Variants in LRFN5 observed in about 807,000 individuals in gnomAD.
The protein encoded by LRFN5 is leucine-rich repeat and fibronectin type-III domain-containing protein 5.
A neutral mutation model predicts 45.6 loss-of-function variants in LRFN5; 24 were observed. That is an observed-to-expected ratio of 0.53 (90% confidence interval 0.38 to 0.74). The LOEUF is 0.74. Among genes scored for constraint, LRFN5 ranks in the 30% least tolerant of loss-of-function variants. The pLI is 0.00. For synonymous variants in LRFN5, 340 were observed against 313.8 expected, an observed-to-expected ratio of 1.08 and a Z score of -0.88; for missense variants, 776 against 861.5, an observed-to-expected ratio of 0.90 and a Z score of 1.24.
intron 2 of LRFN5, among the ~76,000 whole-genome samples, chr14:41,835,688 T>TG (rs1305505459): frequency 6.6e-6 from 1 of 152,066 alleles, no homozygotes. Flanking sequence ...GTCACGCTAC[T>TG]GCACTCCAGC....
At chr14:41,674,161 G>A (rs866727275) in intron 1 of LRFN5, among the ~76,000 whole-genome samples, 36 of 126,288 alleles carry the variant, frequency 2.9e-4, no homozygotes, top group African/African-American at 9.8e-4. Context: ...GGGCAGAGGC[G>A]CCCCTCACCT....
At chr14:41,743,347 G>A (rs966698846) in intron 1 of LRFN5, among the ~76,000 whole-genome samples, 2 of 152,146 alleles carry the variant, frequency 1.3e-5, no homozygotes, top group Non-Finnish European at 2.9e-5. Flanking sequence ...ACTTGAGCCA[G>A]TTACCTTTGC....
rs73316921 is a variant in LRFN5 at position 41,779,448 on chromosome 14, T to C, written c.-21+12419T>C. On this transcript the variant is annotated intron_variant, in intron 2 of 5. Transcript: ENST00000298119. The stretch of plus-strand genomic sequence containing the variant: ...TCTATAGATTTCCATTCTTGTAATG[T>C]CTTTTATCTGTTTTTATTATTAGGC... Among the ~76,000 whole-genome samples, 1,042 of 151,980 alleles carry C rather than the reference T, an allele frequency of 6.9e-3. 15 individuals carry two copies. The highest frequency in any genetic ancestry group is 0.023 in the African/African-American group (963 of 41,538).
chr14:41,856,253 A>G (rs1889447954), intron 2 of LRFN5, among the ~76,000 whole-genome samples: 1 of 152,232 alleles, frequency 6.6e-6, no homozygotes, highest in Non-Finnish European at 1.5e-5. Context: ...CTATAAACAC[A>G]TGATCAAAAT....
chr14:41,638,072 G>A (rs912790540), intron 1 of LRFN5, among the ~76,000 whole-genome samples: 1 of 152,074 alleles, frequency 6.6e-6, no homozygotes, highest in African/African-American at 2.4e-5. Context: ...CCACAAGACA[G>A]CTGTGATATC....
intron 1 of LRFN5, among the ~76,000 whole-genome samples, chr14:41,721,839 G>T (rs1883727632): frequency 6.6e-6 from 1 of 152,110 alleles, no homozygotes. Context: ...TGGGGACTAT[G>T]TGTCTTGGTG....
chr14:41,648,997 G>T (rs139492191), intron 1 of LRFN5, among the ~76,000 whole-genome samples: 7 of 152,132 alleles, frequency 4.6e-5, no homozygotes, highest in African/African-American at 1.7e-4. Flanking sequence ...GGCTGGGCGC[G>T]CTGGCTTGCG....
intron 2 of LRFN5, among the ~76,000 whole-genome samples, chr14:41,881,057 AT>A: frequency 6.6e-6 from 1 of 152,160 alleles, no homozygotes; most frequent in East Asian, 1.9e-4. Flanking sequence ...TTTAGGCAGG[AT>A]AAAAACCTTT....
rs1887521348 is a variant in LRFN5 at position 41,607,211 on chromosome 14, GC to G, written c.-1547del. The stretch of plus-strand genomic sequence containing the variant: ...CCTTGAGGATGTGAATTGTTTAGCA[GC>G]TGGCTGCTCCCTTAGGATCCTTGAC... On this transcript the variant is annotated 5_prime_UTR_variant, in exon 1 of 6. Coordinates refer to ENST00000298119, the MANE Select transcript of LRFN5 (RefSeq NM_152447.5). 6.6e-6 allele frequency among the ~76,000 whole-genome samples: 1 copy of G among 152,138 alleles called. No homozygotes were observed. Among genetic ancestry groups the G allele is most frequent in the Admixed American group, 6.5e-5 (1 of 15,276 alleles).
chr14:41,809,575 T>G (rs1480963341), intron 2 of LRFN5, among the ~76,000 whole-genome samples: 2 of 151,884 alleles, frequency 1.3e-5, no homozygotes, highest in African/African-American at 2.4e-5. Flanking sequence ...TAAGAGTGTT[T>G]ATTAATTATT....
At chr14:41,764,760 T>C (rs1885807399) in intron 1 of LRFN5, among the ~76,000 whole-genome samples, 2 of 152,054 alleles carry the variant, frequency 1.3e-5, no homozygotes, top group African/African-American at 4.8e-5. Flanking sequence ...TTTAGGAATA[T>C]ATTGTGCCTG....
chr14:41,709,186 T>G (rs1213153800), intron 1 of LRFN5, among the ~76,000 whole-genome samples: 1 of 152,032 alleles, frequency 6.6e-6, no homozygotes, highest in Non-Finnish European at 1.5e-5. Context: ...GCATCAAACA[T>G]AATATATATT....
intron 1 of LRFN5, among the ~76,000 whole-genome samples, chr14:41,634,386 G>T (rs1444889487): frequency 6.6e-6 from 1 of 152,152 alleles, no homozygotes; most frequent in East Asian, 1.9e-4. Flanking sequence ...ATAGCCCTCT[G>T]TCTAATGCAG....
intron 1 of LRFN5, among the ~76,000 whole-genome samples, chr14:41,639,301 T>G (rs560094688): frequency 1.8e-4 from 28 of 152,224 alleles, no homozygotes; most frequent in Non-Finnish European, 3.7e-4. Context: ...TACTCTAATT[T>G]AGAAGTCACA....
intron 1 of LRFN5, 110 bp from the exon 2 acceptor site, chr14:41,766,744 T>C (rs1346666497): frequency 1.3e-5 from 2 of 152,320 alleles, no homozygotes; most frequent in African/African-American, 4.8e-5. Context: ...TGCATGATAC[T>C]CCTGCTGTAG....
chr14:41,643,320 A>T (rs1879666885), intron 1 of LRFN5, among the ~76,000 whole-genome samples: 1 of 152,182 alleles, frequency 6.6e-6, no homozygotes, highest in Admixed American at 6.6e-5. Flanking sequence ...ATCAAAACCA[A>T]TGGAATGTTG....
intron 1 of LRFN5, among the ~76,000 whole-genome samples, chr14:41,677,095 GC>G (rs1448512674): frequency 6.6e-6 from 1 of 151,928 alleles, no homozygotes; most frequent in Non-Finnish European, 1.5e-5. Context: ...ATCCTAGGTA[GC>G]AGAGCAAAAA....
intron 1 of LRFN5, among the ~76,000 whole-genome samples, chr14:41,648,595 A>G (rs929445565): frequency 4.1e-4 from 62 of 152,288 alleles, no homozygotes; most frequent in African/African-American, 1.5e-3. Flanking sequence ...CTTTATTAAT[A>G]AAACTGTAAG....
chr14:41,844,173 C>T (rs1051490562), intron 2 of LRFN5, among the ~76,000 whole-genome samples: 26 of 152,262 alleles, frequency 1.7e-4, no homozygotes, highest in African/African-American at 3.1e-4. Context: ...TGCAGTGGCT[C>T]ACGCCTGTAA....
Sources: allele counts gnomAD v4.1 joint callset (sites outside exome capture counted in the v4.1 genomes callset), GRCh38; gene constraint gnomAD v4.1.1; transcripts MANE v1.5; gene names NCBI Gene and HGNC (gene_info 2026-07-23, HGNC 2026-07-21).